RBM6: variants seen among roughly 807,000 people sequenced by gnomAD.
The protein encoded by RBM6 is RNA-binding protein 6.
Under a neutral mutation model 140.4 loss-of-function variants are expected in RBM6, and 23 were observed. The ratio of observed to expected loss-of-function variants is 0.16; its 90% CI spans 0.12 to 0.23. The LOEUF (loss-of-function observed/expected upper bound fraction) is 0.23, where lower values mean the gene tolerates loss of function less well. Ranked by LOEUF, RBM6 falls within the 10% of genes least tolerant of loss-of-function variation. The pLI is 1.00. For missense variants in RBM6, 1,139 were observed against 1,386.7 expected, an observed-to-expected ratio of 0.82 and a Z score of 2.84; for synonymous variants, 439 against 475.6, an observed-to-expected ratio of 0.92 and a Z score of 1.00.
rs1394272050 is a variant in RBM6 at position 49,960,646 on chromosome 3, A to G, written c.-66-1930A>G. ...ATTTGCCTCTTTTTCAGTAGCTATAACAAAGGTCCTGGAAATAACTTCTTA... is the reference window on the plus strand; with the variant it reads ...ATTTGCCTCTTTTTCAGTAGCTATAGCAAAGGTCCTGGAAATAACTTCTTA... On this transcript the variant is annotated intron_variant, in intron 1 of 20. Coordinates refer to ENST00000266022, the MANE Select transcript of RBM6 (RefSeq NM_005777.3). Among the ~76,000 whole-genome samples the G allele has an allele frequency of 4.6e-5, 7 of 152,180 alleles. No individual in the cohort carries two copies. In the South Asian group the frequency reaches 1.4e-3, roughly 31 times the overall value.
intron 1 of RBM6, among the ~76,000 whole-genome samples, chr3:49,943,593 GC>G (rs1292791804): frequency 6.6e-6 from 1 of 152,090 alleles, no homozygotes; most frequent in African/African-American, 2.4e-5. Flanking sequence ...ACAGGCATGA[GC>G]CACCACATCT....
chr3:50,049,056 C>G (rs564636723), intron 7 of RBM6, among the ~76,000 whole-genome samples: 1 of 151,798 alleles, frequency 6.6e-6, no homozygotes, highest in East Asian at 1.9e-4. Flanking sequence ...CCTGCCTCAG[C>G]CTCCCAAAGT....
At chr3:50,006,387 C>A (rs962451574) in intron 6 of RBM6, among the ~76,000 whole-genome samples, 1 of 151,992 alleles carries the variant, frequency 6.6e-6, no homozygotes, top group Non-Finnish European at 1.5e-5. Flanking sequence ...CCGCCCGCCT[C>A]GGCCTCCCAG....
rs143272464 is a variant in RBM6 at position 50,050,986 on chromosome 3, A to C, written c.1632+2667A>C. 1.2e-4 allele frequency among the ~76,000 whole-genome samples: 18 copies of C among 152,142 alleles called. No individual in the cohort carries two copies. In the East Asian group the frequency reaches 2.3e-3, roughly 20 times the overall value. On this transcript the variant is annotated intron_variant, in intron 7 of 20. Transcript: ENST00000266022. ...TAATCCCTTATCAGATATATGATTT[A>C]TAAATATTTTCTATGTGTTATCTTT...
At chr3:50,027,497 T>C (rs941401140) in intron 6 of RBM6, among the ~76,000 whole-genome samples, 1 of 152,214 alleles carries the variant, frequency 6.6e-6, no homozygotes, top group African/African-American at 2.4e-5. Flanking sequence ...CTCCATTTTC[T>C]CCTACTTCCT....
chr3:50,029,096 G>A (rs1226864000), intron 6 of RBM6, among the ~76,000 whole-genome samples: 1 of 152,186 alleles, frequency 6.6e-6, no homozygotes, highest in Non-Finnish European at 1.5e-5. Context: ...GACTTGGAAG[G>A]TACAAGGTAG....
intron 6 of RBM6, among the ~76,000 whole-genome samples, chr3:50,035,716 C>T (rs891268298): frequency 2.0e-5 from 3 of 151,860 alleles, no homozygotes; most frequent in African/African-American, 7.3e-5. Flanking sequence ...CTTCAGCATG[C>T]TTCCTAATAC....
At position 50,074,891 on chromosome 3, in the gene RBM6, G is replaced by A. The variant is rs377733145; in HGVS notation, c.3117-310G>A. Among the ~76,000 whole-genome samples the A allele has an allele frequency of 1.2e-4, 18 of 152,140 alleles. No homozygotes were observed. The East Asian group carries it at 2.3e-3, about 20-fold the overall frequency. The stretch of plus-strand genomic sequence containing the variant: ...AGGTTGGGCATGGTGGCTCATGCCT[G>A]TAATCCAGCACTTTGGGAGGCCAAG... On this transcript the variant is annotated intron_variant, in intron 19 of 20. Coordinates refer to ENST00000266022, the MANE Select transcript of RBM6 (RefSeq NM_005777.3).
chr3:50,026,115 C>G (rs1275330396), intron 6 of RBM6, among the ~76,000 whole-genome samples: 1 of 151,108 alleles, frequency 6.6e-6, no homozygotes. Context: ...GAGACGGAAT[C>G]TCGCCGTCTT....
At chr3:50,058,151 C>A (rs1559641355) in intron 9 of RBM6, 148 bp downstream of exon 9, 2 of 1,050,768 alleles carry the variant, frequency 1.9e-6, no homozygotes, top group Admixed American at 2.8e-5. Flanking sequence ...GTCTGTGGAC[C>A]TTCCTGTACT....
intron 1 of RBM6, among the ~76,000 whole-genome samples, chr3:49,942,977 A>G (rs890280684): frequency 2.0e-5 from 3 of 152,222 alleles, no homozygotes; most frequent in African/African-American, 4.8e-5. Flanking sequence ...AGGTACTGCA[A>G]ATACTAAATG....
intron 5 of RBM6, among the ~76,000 whole-genome samples, chr3:49,983,263 C>G (rs2085393368): frequency 1.3e-5 from 2 of 152,104 alleles, no homozygotes; most frequent in South Asian, 4.1e-4. Flanking sequence ...GAAGAAAATT[C>G]CAGAGGGAAT....
At chr3:49,976,171 A>G (rs1030801314) in intron 5 of RBM6, among the ~76,000 whole-genome samples, 1 of 152,198 alleles carries the variant, frequency 6.6e-6, no homozygotes, top group African/African-American at 2.4e-5. Flanking sequence ...GAGTCTTCAC[A>G]GAACTTAGAA....
Position 49,979,783 on chromosome 3 carries a change from TG to T in RBM6, c.1483+4392del, listed in dbSNP as rs2085222286. 4.6e-5 allele frequency among the ~76,000 whole-genome samples: 7 copies of T among 152,284 alleles called. No individual in the cohort carries two copies. In the South Asian group the frequency reaches 1.5e-3, roughly 32 times the overall value. On this transcript the variant is annotated intron_variant, in intron 5 of 20. Transcript: ENST00000266022. ...AAAGGCTACATACTATATGTGTATG[TG>T]TGATTTCACTTATGTGACATTCTGG...
intron 5 of RBM6, among the ~76,000 whole-genome samples, chr3:49,987,701 C>T (rs1435814460): frequency 2.6e-5 from 4 of 151,608 alleles, no homozygotes; most frequent in Admixed American, 6.6e-5. Context: ...TGCAATAATG[C>T]GATCTCTGCT....
At chr3:49,975,543 T>C in intron 5 of RBM6, 151 bp downstream of exon 5, 2 of 666,624 alleles carry the variant, frequency 3.0e-6, no homozygotes, top group Middle Eastern at 2.5e-4. Flanking sequence ...CCAGCTTTAG[T>C]TTTAGCTGTG....
At chr3:50,069,445 T>C (rs1405562164) in intron 18 of RBM6, among the ~76,000 whole-genome samples, 1 of 150,470 alleles carries the variant, frequency 6.6e-6, no homozygotes, top group African/African-American at 2.5e-5. Flanking sequence ...GAGGCAGAGG[T>C]TGCAGTGAGC....
At chr3:50,021,724 C>G (rs2087489537) in intron 6 of RBM6, among the ~76,000 whole-genome samples, 1 of 132,648 alleles carries the variant, frequency 7.5e-6, no homozygotes, top group Non-Finnish European at 1.6e-5. Context: ...CATCTCCATA[C>G]TGAGGAATTT....
At chr3:50,047,032 A>G in intron 6 of RBM6, 2 of 316,986 alleles carry the variant, frequency 6.3e-6, no homozygotes, top group Non-Finnish European at 9.1e-6. Context: ...TAGCCTTGAG[A>G]ACAAGCCAGG....
Sources: allele counts gnomAD v4.1 joint callset (sites outside exome capture counted in the v4.1 genomes callset), GRCh38; gene constraint gnomAD v4.1.1; transcripts MANE v1.5; gene names NCBI Gene and HGNC (gene_info 2026-07-23, HGNC 2026-07-21).